Variants in INO80 observed in about 807,000 individuals in gnomAD.
INO80 encodes INO80 complex ATPase subunit.
A neutral mutation model predicts 203.4 loss-of-function variants in INO80; 20 were observed. The ratio of observed to expected loss-of-function variants is 0.10; its 90% CI spans 0.07 to 0.14. The LOEUF (loss-of-function observed/expected upper bound fraction) is 0.14. Among genes scored for constraint, INO80 ranks in the 10% least tolerant of loss-of-function variants. The pLI, the probability that INO80 is intolerant of heterozygous loss-of-function variation, is 1.00. For missense variants in INO80, 1,419 were observed against 1,914.4 expected, an observed-to-expected ratio of 0.74 and a Z score of 4.83; for synonymous variants, 726 against 685.2, an observed-to-expected ratio of 1.06 and a Z score of -0.93.
intron 29 of INO80, among the ~76,000 whole-genome samples, chr15:40,990,335 AGTC>A (rs747391065): frequency 3.5e-4 from 53 of 152,182 alleles, no homozygotes; most frequent in Non-Finnish European, 6.5e-4. Context: ...TGAAAGAGTG[AGTC>A]ATCTTTCTTG....
chr15:41,073,617 G>A, intron 10 of INO80, 122 bp from the exon 11 acceptor site: 2 of 812,558 alleles, frequency 2.5e-6, no homozygotes, highest in South Asian at 2.9e-5. Context: ...GTTCACGGAG[G>A]GTGGGGGAAG....
Position 41,030,823 on chromosome 15 carries a change from C to T in INO80, c.2908-3087G>A, listed in dbSNP as rs570524232. The stretch of plus-strand genomic sequence containing the variant: ...CCGAGTAGCTGGGATTACAGGTGTG[C>T]GCCACACCTGGCTAATTTTTGTATT... On this transcript the variant is annotated intron_variant, in intron 24 of 35. Coordinates refer to ENST00000648947, the MANE Select transcript of INO80 (RefSeq NM_017553.3). Among the ~76,000 whole-genome samples, 30 of 151,838 alleles carry T rather than the reference C, an allele frequency of 2.0e-4. No individual in the cohort carries two copies. The South Asian group carries it at 2.3e-3, about 12-fold the overall frequency.
chr15:41,097,145 A>C (rs2045737569), intron 1 of INO80, among the ~76,000 whole-genome samples: 1 of 152,206 alleles, frequency 6.6e-6, no homozygotes, highest in Admixed American at 6.5e-5. Context: ...GCTGGAGTTC[A>C]AGCAATTCTC....
chr15:41,002,781 C>G (rs999099253), intron 28 of INO80, among the ~76,000 whole-genome samples: 6 of 152,110 alleles, frequency 3.9e-5, no homozygotes, highest in African/African-American at 1.4e-4. Context: ...TATATATACC[C>G]AGTGTTAACA....
At chr15:41,087,201 T>C (rs1366920424) in intron 6 of INO80, among the ~76,000 whole-genome samples, 2 of 152,294 alleles carry the variant, frequency 1.3e-5, no homozygotes, top group East Asian at 3.9e-4. Flanking sequence ...CATTATTCTC[T>C]AAACAATATA....
chr15:41,056,269 T>C (rs2044983502), intron 17 of INO80, among the ~76,000 whole-genome samples: 1 of 152,154 alleles, frequency 6.6e-6, no homozygotes, highest in Admixed American at 6.5e-5. Context: ...CTGACCCTTA[T>C]TCTAGATGAT....
intron 15 of INO80, among the ~76,000 whole-genome samples, chr15:41,059,013 G>A (rs915589191): frequency 1.4e-4 from 22 of 152,060 alleles, no homozygotes; most frequent in Admixed American, 2.6e-4. Flanking sequence ...GTCCAGCAGC[G>A]TGAACATGGC....
intron 27 of INO80, 27 bp downstream of exon 27, chr15:41,016,061 C>T: frequency 1.3e-6 from 2 of 1,596,612 alleles, no homozygotes; most frequent in Non-Finnish European, 1.7e-6. Context: ...TCAAGGTATC[C>T]TAGGTCCCCA....
chr15:40,987,175 A>C lies in INO80; in HGVS notation c.3748T>G (p.Ser1250Ala). 6.2e-7 allele frequency: 1 copy of C among 1,611,084 alleles called. No individual in the cohort carries two copies. Among genetic ancestry groups the C allele is most frequent in the African/African-American group, 1.3e-5 (1 of 74,966 alleles). ...GTATCTGGTTTGAAGTTCCCACCTG[A>C]AATCACCATCCGCTGAATCTACACC... ...EKSEIQRMVI[S>A]GGNFKPDTLK... is the part of the protein sequence containing the mutation. Residue 1250 changes from serine to alanine, a missense_variant, in exon 31 of 36, where the codon TCA (serine) becomes GCA (alanine). Transcript: ENST00000648947.
In INO80 at chr15:41,049,439, G is replaced by GT. The variant is rs2044826878; in HGVS notation, c.2443-20dup. 2 of 1,612,676 alleles carry GT rather than the reference G, an allele frequency of 1.2e-6. No homozygotes were observed. The highest frequency in any genetic ancestry group is 1.3e-5 in the African/African-American group (1 of 75,002). On this transcript the variant is annotated intron_variant, in intron 20 of 35. Transcript: ENST00000648947. ...TACACACCTAAAAGGAAGGGAAATG[G>GT]TAAGACAATATTACCACATGCAGAC...
intron 24 of INO80, among the ~76,000 whole-genome samples, chr15:41,039,797 T>A (rs1245122680): frequency 6.6e-6 from 1 of 152,234 alleles, no homozygotes; most frequent in African/African-American, 2.4e-5. Flanking sequence ...TCTTCTGTAG[T>A]AAACACTGAG....
chr15:41,077,613 G>A (rs1566940248), intron 9 of INO80, among the ~76,000 whole-genome samples: 3 of 151,968 alleles, frequency 2.0e-5, no homozygotes, highest in Admixed American at 1.3e-4. Flanking sequence ...CCAGGCTGGA[G>A]GCAGTAACAA....
chr15:41,089,624 T>TTA (rs909909762), intron 5 of INO80, among the ~76,000 whole-genome samples: 2 of 151,874 alleles, frequency 1.3e-5, no homozygotes, highest in African/African-American at 4.8e-5. Flanking sequence ...ATGCCTGTAA[T>TTA]CCCAGCTACT....
chr15:41,037,971 G>A (rs1274887477), intron 24 of INO80, among the ~76,000 whole-genome samples: 2 of 148,446 alleles, frequency 1.3e-5, no homozygotes, highest in Non-Finnish European at 3.0e-5. Context: ...ACCAACTTGC[G>A]CACCCCCACC....
At chr15:41,073,580 T>G in intron 10 of INO80, 85 bp from the exon 11 acceptor site, 1 of 1,058,718 alleles carries the variant, frequency 9.4e-7, no homozygotes, top group Non-Finnish European at 1.5e-6. Flanking sequence ...TGTGGATCCC[T>G]GATTCCCTCA....
At chr15:41,063,415 A>C (rs1354758764) in intron 14 of INO80, among the ~76,000 whole-genome samples, 7 of 152,144 alleles carry the variant, frequency 4.6e-5, no homozygotes, top group African/African-American at 1.4e-4. Context: ...TTAGGAAGGA[A>C]GACTTAAAAC....
At chr15:41,083,713 A>G in intron 7 of INO80, among the ~76,000 whole-genome samples, 1 of 59,986 alleles carries the variant, frequency 1.7e-5, no homozygotes, top group East Asian at 4.0e-4. Context: ...ACTCCGTCTC[A>G]AAAAAAAAAA....
chr15:41,043,014 C>T (rs868797297), intron 24 of INO80, among the ~76,000 whole-genome samples: 1 of 152,130 alleles, frequency 6.6e-6, no homozygotes, highest in African/African-American at 2.4e-5. Flanking sequence ...CTTTCAACTG[C>T]GTAAACATAT....
intron 14 of INO80, among the ~76,000 whole-genome samples, chr15:41,063,472 A>C (rs1394747659): frequency 6.6e-6 from 1 of 152,012 alleles, no homozygotes; most frequent in East Asian, 1.9e-4. Flanking sequence ...TCCCAACAAG[A>C]GGCAAGAAAT....
Sources: gnomAD v4.1 joint callset for allele counts (sites outside exome capture counted in the v4.1 genomes callset) on GRCh38, gnomAD v4.1.1 for gene constraint, MANE v1.5 for transcripts, NCBI Gene and HGNC (gene_info 2026-07-23, HGNC 2026-07-21) for gene names.